The following HPD variants were observed in gnomAD, a reference collection of about 807,000 sequenced individuals.
The protein encoded by HPD is 4-hydroxyphenylpyruvate dioxygenase.
HPD carries 35 observed loss-of-function variants against 56.9 expected under a neutral mutation model. The observed-to-expected ratio is 0.62, with a 90% CI of 0.47 to 0.82. HPD has a LOEUF of 0.82. HPD is among the 40% of genes least tolerant of loss of function. The probability of loss-of-function intolerance (pLI) is 0.00; values close to 1 mark genes in which losing one functional copy is unlikely to be tolerated. For missense variants in HPD, 442 were observed against 506.8 expected (o/e 0.87, Z 1.23); for synonymous variants, 186 against 200.2 (o/e 0.93, Z 0.60).
the HPD span, among the ~76,000 whole-genome samples, chr12:121,877,347 A>G: frequency 4.5e-4 from 69 of 152,288 alleles, no homozygotes; most frequent in Admixed American, 7.2e-4. Context: ...TACTGCCTCT[A>G]GAGCCCCTCC....
intron 12 of HPD, among the ~76,000 whole-genome samples, chr12:121,840,488 CG>C (rs1877372094): frequency 6.6e-6 from 1 of 151,926 alleles, no homozygotes; most frequent in African/African-American, 2.4e-5. Context: ...TTTAGTAAGA[CG>C]GGGTTTCACG....
intron 11 of HPD, 45 bp downstream of exon 11, chr12:121,846,817 G>A: frequency 6.3e-7 from 1 of 1,586,724 alleles, no homozygotes; most frequent in Non-Finnish European, 8.7e-7. Context: ...GATCGTCCCT[G>A]GCTCTGAATG....
upstream of HPD, among the ~76,000 whole-genome samples, chr12:121,862,630 CAG>C (rs1306480419): frequency 3.5e-5 from 3 of 86,532 alleles, no homozygotes; most frequent in African/African-American, 9.5e-5. Flanking sequence ...TTTTTTGAGA[CAG>C]AGTCTCCCTC....
the HPD span, among the ~76,000 whole-genome samples, chr12:121,888,376 G>C: frequency 2.0e-5 from 3 of 152,158 alleles, no homozygotes; most frequent in South Asian, 6.2e-4. Context: ...GGCAAGATAC[G>C]GGGTGTGTAC....
upstream of HPD, chr12:121,859,122 T>C (rs1327450612): frequency 1.2e-5 from 6 of 489,038 alleles, no homozygotes; most frequent in East Asian, 2.3e-4. Context: ...AATGTGACCA[T>C]TACTGCCCAG....
chr12:121,849,817 G>A (rs894358666), intron 7 of HPD, 27 bp from the exon 8 acceptor site: 5 of 1,504,498 alleles, frequency 3.3e-6, no homozygotes, highest in Non-Finnish European at 4.6e-6. Context: ...GCCTGGCTCG[G>A]CCCCTGGGCA....
At chr12:121,881,581 C>T in the HPD span, among the ~76,000 whole-genome samples, 1 of 152,000 alleles carries the variant, frequency 6.6e-6, no homozygotes, top group African/African-American at 2.4e-5. Context: ...GGTAAGAGAC[C>T]CCATGCTCAC....
At chr12:121,853,117 C>A (rs1877866049) in intron 7 of HPD, among the ~76,000 whole-genome samples, 1 of 151,884 alleles carries the variant, frequency 6.6e-6, no homozygotes, top group Non-Finnish European at 1.5e-5. Context: ...GAAGTGAGAG[C>A]TAAATGATGA....
upstream of HPD, among the ~76,000 whole-genome samples, chr12:121,865,871 C>T (rs1285484340): frequency 6.6e-6 from 1 of 151,932 alleles, no homozygotes; most frequent in East Asian, 1.9e-4. Flanking sequence ...CGCCTGTAAT[C>T]CCATCTACTC....
rs143795284 is a variant in HPD at position 121,843,873 on chromosome 12, G to A, written c.832-41C>T. ...GCTGAGGTCAGCCTTCGGCCTCCAA[G>A]TTCAACTCCCCTAGCCAGGTGGAGG... On this transcript the variant is annotated intron_variant, in intron 11 of 13. Transcript: ENST00000289004. The A allele has an allele frequency of 2.2e-3, 3,592 of 1,613,720 alleles. 4 individuals are homozygous for A. The highest frequency in any genetic ancestry group is 2.5e-3 in the Non-Finnish European group (2,989 of 1,179,768).
Position 121,843,700 on chromosome 12 carries a change from T to TG in HPD, c.954+9dup. The TG allele has an allele frequency of 6.2e-7, 1 of 1,614,036 alleles. No homozygotes were observed. The highest frequency in any genetic ancestry group is 8.5e-7 in the Non-Finnish European group (1 of 1,179,982). Reference sequence around the variant, plus strand: ...CCCCCACAAGGCTGCGGATCCTGCCTGGGCCTCACCTCCAGGGCATCAATG... The same window carrying TG: ...CCCCCACAAGGCTGCGGATCCTGCCTGGGGCCTCACCTCCAGGGCATCAATG... On this transcript the variant is annotated intron_variant, in intron 12 of 13. Coordinates refer to ENST00000289004, the MANE Select transcript of HPD (RefSeq NM_002150.3).
intron 3 of HPD, 51 bp from the exon 4 acceptor site, chr12:121,857,483 G>T (rs1235592565): frequency 7.3e-7 from 1 of 1,362,954 alleles, no homozygotes; most frequent in Non-Finnish European, 1.1e-6. Context: ...GGCCAGCATG[G>T]GGGACTTCCG....
At chr12:121,849,626 G>A in intron 8 of HPD, 61 bp downstream of exon 8, 1 of 1,075,660 alleles carries the variant, frequency 9.3e-7, no homozygotes, top group Non-Finnish European at 1.5e-6. Context: ...TGGAGGAAGG[G>A]GCATTACTTT....
upstream of HPD, among the ~76,000 whole-genome samples, chr12:121,868,197 CCAAA>C (rs1280793601): frequency 2.0e-5 from 3 of 152,086 alleles, no homozygotes; most frequent in East Asian, 5.8e-4. Context: ...AAATGAAAAC[CCAAA>C]CAAACAACAC....
chr12:121,865,625 A>G (rs1165558783), upstream of HPD, among the ~76,000 whole-genome samples: 1 of 151,958 alleles, frequency 6.6e-6, no homozygotes, highest in African/African-American at 2.4e-5. Flanking sequence ...ATTATAAACA[A>G]AGTAATCTAA....
the HPD span, among the ~76,000 whole-genome samples, chr12:121,880,492 C>CCTGTACCATG: frequency 6.6e-6 from 1 of 152,104 alleles, no homozygotes; most frequent in Non-Finnish European, 1.5e-5. Flanking sequence ...CCATGCCCGG[C>CCTGTACCATG]CTGTACCATG....
chr12:121,849,864 C>T (rs1353288530), intron 7 of HPD, 74 bp from the exon 8 acceptor site: 2 of 972,756 alleles, frequency 2.1e-6, no homozygotes, highest in Non-Finnish European at 3.3e-6. Flanking sequence ...TTTCATAGCG[C>T]TAACGTAGCC....
At chr12:121,874,273 A>C in the HPD span, 2 of 152,024 alleles carry the variant, frequency 1.3e-5, no homozygotes, top group African/African-American at 4.8e-5. Flanking sequence ...CTTACATGGA[A>C]CTCACCAGGC....
chr12:121,864,641 C>T (rs1340757924), upstream of HPD, among the ~76,000 whole-genome samples: 1 of 150,742 alleles, frequency 6.6e-6, no homozygotes, highest in Non-Finnish European at 1.5e-5. Flanking sequence ...ATCACGAGGT[C>T]AGGAGATCGA....
Sources: allele counts gnomAD v4.1 joint callset (sites outside exome capture counted in the v4.1 genomes callset), GRCh38; gene constraint gnomAD v4.1.1; transcripts MANE v1.5; gene names NCBI Gene and HGNC (gene_info 2026-07-23, HGNC 2026-07-21).